The following ABI3BP variants were observed in gnomAD, a reference collection of about 807,000 sequenced individuals.
ABI3BP encodes ABI family member 3 binding protein.
Under a neutral mutation model 268.6 loss-of-function variants are expected in ABI3BP, and 216 were observed. The observed-to-expected ratio is 0.80, with a 90% CI of 0.72 to 0.90. The LOEUF is 0.90. Among genes scored for constraint, ABI3BP ranks in the 40% least tolerant of loss-of-function variants. The pLI, the probability that ABI3BP is intolerant of heterozygous loss-of-function variation, is 0.00. For synonymous variants in ABI3BP, 730 were observed against 730.0 expected (o/e 1.00, Z 0.00); for missense variants, 2,090 against 2,182.4 (o/e 0.96, Z 0.84).
At chr3:100,967,860 T>C (rs1286925670) in intron 1 of ABI3BP, among the ~76,000 whole-genome samples, 1 of 152,176 alleles carries the variant, frequency 6.6e-6, no homozygotes, top group Non-Finnish European at 1.5e-5. Context: ...TATACATTCA[T>C]TCCTGCTCAC....
chr3:100,777,271 G>A (rs943559217), intron 59 of ABI3BP, among the ~76,000 whole-genome samples: 4 of 152,240 alleles, frequency 2.6e-5, no homozygotes, highest in South Asian at 2.1e-4. Context: ...AAAATATTTC[G>A]GAAGTAGTGT....
At position 100,749,681 on chromosome 3, in the gene ABI3BP, CTT is replaced by C. The variant is rs1218107655; in HGVS notation, c.*812_*813del. ...CGTGCATTATCTTTTTGTGCTCAGA[CTT>C]GACTTCACATTCAGTCTCTACATAC... On this transcript the variant is annotated 3_prime_UTR_variant, in exon 68 of 68. Transcript: ENST00000471714. 1 of 398,368 alleles carries C rather than the reference CTT, an allele frequency of 2.5e-6. No individual in the cohort carries two copies. The highest frequency in any genetic ancestry group is 4.4e-6 in the Non-Finnish European group (1 of 225,804). The allele number at this position is 398,368 out of a possible 1,614,324, so 24.7% of individuals were successfully genotyped here. A position where few individuals can be genotyped will look rare whatever the true frequency, so the allele number is the denominator to read the frequency against.
chr3:100,960,548 C>T (rs1355681654), intron 1 of ABI3BP, among the ~76,000 whole-genome samples: 3 of 152,134 alleles, frequency 2.0e-5, no homozygotes, highest in African/African-American at 7.2e-5. Flanking sequence ...GTATGTTAAA[C>T]AGGAAGATTC....
In ABI3BP at chr3:100,767,220, C is replaced by T. The variant is rs560439115; in HGVS notation, c.4742-1271G>A. 5.3e-5 allele frequency among the ~76,000 whole-genome samples: 8 copies of T among 152,224 alleles called. No homozygotes were observed. The South Asian group carries it at 6.2e-4, about 12-fold the overall frequency. On this transcript the variant is annotated intron_variant, in intron 62 of 67. Transcript: ENST00000471714. ...TTCTCAAAAGTGTTGGGATTACAGG[C>T]GTGAGCCACTGCGCCCAGCCTTAGG... is the stretch of plus-strand genomic sequence containing the variant.
chr3:100,788,348 C>T (rs921505925), intron 56 of ABI3BP, among the ~76,000 whole-genome samples: 1 of 152,032 alleles, frequency 6.6e-6, no homozygotes, highest in Non-Finnish European at 1.5e-5. Context: ...ATAGCCTTAC[C>T]AAAGCCTTGA....
intron 32 of ABI3BP, among the ~76,000 whole-genome samples, chr3:100,830,191 A>G (rs184455252): frequency 7.2e-6 from 1 of 139,760 alleles, no homozygotes; most frequent in African/African-American, 2.7e-5. Context: ...AAATGTAGAA[A>G]TTAAGATCTG....
At chr3:100,982,046 G>T (rs990353603) in intron 1 of ABI3BP, among the ~76,000 whole-genome samples, 3 of 152,156 alleles carry the variant, frequency 2.0e-5, no homozygotes, top group African/African-American at 7.2e-5. Context: ...TTAGAATTAT[G>T]GCAGAAGGGG....
intron 1 of ABI3BP, chr3:100,930,897 A>G (rs998037788): frequency 1.3e-5 from 2 of 152,114 alleles, no homozygotes; most frequent in Non-Finnish European, 2.9e-5. Flanking sequence ...GAAAAAAGAA[A>G]ACTTCAGGCC....
Position 100,864,830 on chromosome 3 carries a change from T to C in ABI3BP, c.1063+3A>G. On this transcript the variant is annotated splice_donor_region_variant and intron_variant, in intron 11 of 67. Coordinates refer to ENST00000471714, the MANE Select transcript of ABI3BP (RefSeq NM_001375547.2). The stretch of plus-strand genomic sequence containing the variant: ...TAGAAAAAAAAAAAGTTCTTAGAAT[T>C]ACCCAGTGTTGTTTCTGAAACATCT... The C allele has an allele frequency of 6.3e-7, 1 of 1,596,234 alleles. No homozygotes were observed. The highest frequency in any genetic ancestry group is 8.5e-7 in the Non-Finnish European group (1 of 1,172,004).
At chr3:100,811,857 A>G (rs2097868112) in intron 46 of ABI3BP, 58 bp from the exon 47 acceptor site, 1 of 1,165,276 alleles carries the variant, frequency 8.6e-7, no homozygotes, top group African/African-American at 1.5e-5. Flanking sequence ...ACACTGTAAT[A>G]GAACCCTGCA....
chr3:100,750,412 A>T lies in ABI3BP; in HGVS notation c.*83T>A, dbSNP rs757974579. On this transcript the variant is annotated 3_prime_UTR_variant, in exon 68 of 68. Coordinates refer to ENST00000471714, the MANE Select transcript of ABI3BP (RefSeq NM_001375547.2). ...TGTAGACTTTTATACATAGTAAACA[A>T]AATAGCTTTAAATGAATGCGGCATA... 2 of 1,087,974 alleles carry T rather than the reference A, an allele frequency of 1.8e-6. No homozygotes were observed. Among genetic ancestry groups the T allele is most frequent in the African/African-American group, 3.2e-5 (2 of 63,470 alleles). 67.4% of individuals were successfully genotyped at this position (1,087,974 alleles called of 1,614,324 possible). A position where few individuals can be genotyped will look rare whatever the true frequency, so the allele number is the denominator to read the frequency against.
intron 1 of ABI3BP, among the ~76,000 whole-genome samples, chr3:100,928,898 C>T (rs2062722281): frequency 6.6e-6 from 1 of 151,978 alleles, no homozygotes; most frequent in African/African-American, 2.4e-5. Context: ...AGTTGGGGTG[C>T]CAACTGCTAG....
At chr3:100,930,813 G>A (rs1438740701) in intron 1 of ABI3BP, 2 of 151,802 alleles carry the variant, frequency 1.3e-5, no homozygotes, top group South Asian at 2.1e-4. Context: ...AAAAATTGAG[G>A]AGGAGGGACT....
At chr3:100,897,047 AAAAT>A (rs1474840166) in intron 4 of ABI3BP, among the ~76,000 whole-genome samples, 2 of 150,764 alleles carry the variant, frequency 1.3e-5, no homozygotes, top group Non-Finnish European at 1.5e-5. Flanking sequence ...TGGACAAATA[AAAAT>A]AAATAAAACA....
chr3:100,824,976 C>T lies in ABI3BP; in HGVS notation c.2663-35G>A, dbSNP rs891894301. 6.0e-6 allele frequency: 9 copies of T among 1,506,034 alleles called. No homozygotes were observed. The African/African-American group carries it at 1.1e-4, about 19-fold the overall frequency. The allele number at this position is 1,506,034 out of a possible 1,614,324, so 93.3% of individuals were successfully genotyped here. ...GAAAAAGCCTTGTGTTACTCTAGGT[C>T]TTATGATTCTGGATACTGAGGAAAG... On this transcript the variant is annotated intron_variant, in intron 35 of 67. Coordinates refer to ENST00000471714, the MANE Select transcript of ABI3BP (RefSeq NM_001375547.2).
Position 100,775,223 on chromosome 3 carries a change from G to C in ABI3BP, c.4446C>G (p.Ala1482=), listed in dbSNP as rs1470765232. 4 of 1,612,638 alleles carry C rather than the reference G, an allele frequency of 2.5e-6. No individual in the cohort carries two copies. The highest frequency in any genetic ancestry group is 3.4e-6 in the Non-Finnish European group (4 of 1,179,386). The change falls in exon 60 of 68, where the codon GCC becomes GCG. Residue 1482 remains alanine (A), a synonymous_variant. Transcript: ENST00000471714. ...ETDIKQPTVP[A]SGEELENITD... is the part of the protein sequence containing the mutation. ...CATACGAACCCAGTTCTTCTCCAGAGGCAGGAACTGTTGGTTGCTTTATAT... is the reference window on the plus strand; with the variant it reads ...CATACGAACCCAGTTCTTCTCCAGACGCAGGAACTGTTGGTTGCTTTATAT...
At chr3:100,930,289 A>G (rs938823470) in intron 1 of ABI3BP, among the ~76,000 whole-genome samples, 1 of 152,006 alleles carries the variant, frequency 6.6e-6, no homozygotes, top group South Asian at 2.1e-4. Context: ...GGAACAAAGC[A>G]TATGTCAACA....
chr3:100,929,095 C>G (rs538687789), intron 1 of ABI3BP, among the ~76,000 whole-genome samples: 43 of 152,160 alleles, frequency 2.8e-4, no homozygotes, highest in African/African-American at 1.0e-3. Context: ...GCTATCAAGT[C>G]TCACAACGAA....
chr3:100,940,919 G>A (rs999778693), intron 1 of ABI3BP, among the ~76,000 whole-genome samples: 12 of 138,166 alleles, frequency 8.7e-5, no homozygotes, highest in Non-Finnish European at 1.7e-4. Flanking sequence ...ATTTAGAGGT[G>A]GACAGATGGC....
Sources: allele counts gnomAD v4.1 joint callset (sites outside exome capture counted in the v4.1 genomes callset), GRCh38; gene constraint gnomAD v4.1.1; transcripts MANE v1.5; gene names NCBI Gene and HGNC (gene_info 2026-07-23, HGNC 2026-07-21).